Variants in KLHL1 observed in about 807,000 individuals in gnomAD.
KLHL1 encodes kelch-like protein 1.
In KLHL1, 47 loss-of-function variants were observed where a neutral mutation model predicts 77.7. The observed-to-expected ratio is 0.60, with a 90% CI of 0.48 to 0.77. The LOEUF is 0.77. Ranked by LOEUF, KLHL1 falls within the 30% of genes least tolerant of loss-of-function variation. The pLI is 0.00. For synonymous variants in KLHL1, 360 were observed against 325.2 expected, an observed-to-expected ratio of 1.11 and a Z score of -1.15; for missense variants, 925 against 910.8, an observed-to-expected ratio of 1.02 and a Z score of -0.20.
chr13:70,070,365 G>C (rs1887111042), intron 1 of KLHL1, among the ~76,000 whole-genome samples: 1 of 151,766 alleles, frequency 6.6e-6, no homozygotes, highest in South Asian at 2.1e-4. Flanking sequence ...GGAAGAAGGG[G>C]GAAGCATGTA....
chr13:69,718,565 A>T (rs1439594939), intron 9 of KLHL1, among the ~76,000 whole-genome samples: 6 of 152,106 alleles, frequency 3.9e-5, no homozygotes, highest in Admixed American at 3.9e-4. Flanking sequence ...ATTGACCTAA[A>T]TATTCCCTAT....
chr13:70,091,835 T>C (rs1030450719), intron 1 of KLHL1, among the ~76,000 whole-genome samples: 4 of 152,188 alleles, frequency 2.6e-5, no homozygotes, highest in African/African-American at 9.6e-5. Flanking sequence ...TCATAAAAAT[T>C]AAAACTCTTC....
intron 1 of KLHL1, among the ~76,000 whole-genome samples, chr13:70,010,273 T>C (rs1885501783): frequency 6.6e-6 from 1 of 152,100 alleles, no homozygotes; most frequent in Non-Finnish European, 1.5e-5. Context: ...ATAGATTATT[T>C]AGACAAAGGT....
intron 7 of KLHL1, among the ~76,000 whole-genome samples, chr13:69,766,787 T>C (rs1249808377): frequency 1.3e-4 from 20 of 152,106 alleles, no homozygotes; most frequent in Non-Finnish European, 1.5e-5. Context: ...AAAATGGGGT[T>C]ATTGTAGAAA....
chr13:70,035,283 A>G (rs573164132), intron 1 of KLHL1, among the ~76,000 whole-genome samples: 1 of 152,290 alleles, frequency 6.6e-6, no homozygotes, highest in Non-Finnish European at 1.5e-5. Context: ...ATTTACAACA[A>G]CATGGATGGA....
chr13:69,915,014 A>C (rs1443787742), intron 4 of KLHL1, among the ~76,000 whole-genome samples: 1 of 152,140 alleles, frequency 6.6e-6, no homozygotes, highest in Non-Finnish European at 1.5e-5. Context: ...ATTTTTCAAA[A>C]TCTCTCAAGA....
At chr13:70,061,926 T>G (rs1013184596) in intron 1 of KLHL1, among the ~76,000 whole-genome samples, 1 of 152,154 alleles carries the variant, frequency 6.6e-6, no homozygotes, top group Non-Finnish European at 1.5e-5. Flanking sequence ...ACTCAAACAT[T>G]TTTCACTTCT....
chr13:69,802,382 A>C (rs115758491), intron 6 of KLHL1, among the ~76,000 whole-genome samples: 2,177 of 152,186 alleles, frequency 0.014, 55 homozygotes, highest in African/African-American at 0.05. Context: ...GTATATACCC[A>C]AGAACTCCCA....
intron 1 of KLHL1, among the ~76,000 whole-genome samples, chr13:70,016,113 C>T (rs2137345235): frequency 6.6e-6 from 1 of 152,310 alleles, no homozygotes; most frequent in African/African-American, 2.4e-5. Flanking sequence ...AAAGAACACC[C>T]TCAAAAACAT....
intron 1 of KLHL1, among the ~76,000 whole-genome samples, chr13:70,052,011 C>T (rs1053314987): frequency 8.6e-5 from 13 of 151,036 alleles, no homozygotes; most frequent in Non-Finnish European, 1.3e-4. Flanking sequence ...TTCTTAAATA[C>T]GAGAAATATT....
At chr13:69,988,092 C>G (rs75324414) in intron 1 of KLHL1, among the ~76,000 whole-genome samples, 23,303 of 150,868 alleles carry the variant, frequency 0.15, 3,806 homozygotes, top group African/African-American at 0.42. Context: ...TTTTTTTTGG[C>G]GGGGGGAACC....
chr13:69,839,039 T>C lies in KLHL1; in HGVS notation c.1351A>G (p.Thr451Ala). ...CCGACTGTAGATTTTCTGGGTTTAGTTCTCGGACTTTGCATTAAAGTTCTT... is the reference window on the plus strand; with the variant it reads ...CCGACTGTAGATTTTCTGGGTTTAGCTCTCGGACTTTGCATTAAAGTTCTT... ...ERRTLMQSPR[T>A]KPRKSTVGTL... Residue 451 changes from threonine to alanine, a missense_variant, in exon 6 of 11, where the codon ACT becomes GCT. Transcript: ENST00000377844. The C allele has an allele frequency of 6.2e-7, 1 of 1,611,354 alleles. No homozygotes were observed. Among genetic ancestry groups the C allele is most frequent in the Non-Finnish European group, 8.5e-7 (1 of 1,178,422 alleles).
chr13:70,025,328 T>G (rs1885914028), intron 1 of KLHL1, among the ~76,000 whole-genome samples: 1 of 152,068 alleles, frequency 6.6e-6, no homozygotes, highest in African/African-American at 2.4e-5. Flanking sequence ...GGTGATCTCA[T>G]TTAGTTGACT....
intron 3 of KLHL1, among the ~76,000 whole-genome samples, chr13:69,948,819 TCC>T (rs1324963740): frequency 4.0e-5 from 6 of 151,898 alleles, no homozygotes; most frequent in Admixed American, 2.6e-4. Context: ...AATGTATATT[TCC>T]AAAGGTATTG....
At chr13:70,082,311 TCACACA>T (rs4053611) in intron 1 of KLHL1, among the ~76,000 whole-genome samples, 26,476 of 110,670 alleles carry the variant, frequency 0.24, 3,411 homozygotes, top group Admixed American at 0.3. Flanking sequence ...CTTGGACCTG[TCACACA>T]CACACACACA....
intron 1 of KLHL1, among the ~76,000 whole-genome samples, chr13:70,084,464 C>CTTTTTTTTTTT (rs1266369112): frequency 2.3e-5 from 3 of 129,040 alleles, no homozygotes; most frequent in Admixed American, 8.6e-5. Flanking sequence ...TCTTCTTCTT[C>CTTTTTTTTTTT]TTTTTTTTTT....
intron 4 of KLHL1, among the ~76,000 whole-genome samples, chr13:69,893,226 A>T (rs927907669): frequency 1.2e-4 from 17 of 142,466 alleles, no homozygotes; most frequent in South Asian, 2.2e-4. Context: ...AGCTACATAA[A>T]TTTTTTTTTT....
chr13:70,053,146 G>A (rs2137394511), intron 1 of KLHL1, among the ~76,000 whole-genome samples: 1 of 151,996 alleles, frequency 6.6e-6, no homozygotes, highest in African/African-American at 2.4e-5. Flanking sequence ...AGTCTTAAAA[G>A]AAACATACAG....
chr13:69,842,207 T>G (rs1593879398), intron 5 of KLHL1, among the ~76,000 whole-genome samples: 1 of 151,370 alleles, frequency 6.6e-6, no homozygotes, highest in African/African-American at 2.4e-5. Flanking sequence ...CTATATCAAA[T>G]TAAAAAGCTT....
Sources: gnomAD v4.1 joint callset for allele counts (sites outside exome capture counted in the v4.1 genomes callset) on GRCh38, gnomAD v4.1.1 for gene constraint, MANE v1.5 for transcripts, NCBI Gene and HGNC (gene_info 2026-07-23, HGNC 2026-07-21) for gene names.